NEK7: variants seen among roughly 807,000 people sequenced by gnomAD.
NEK7 encodes NIMA related kinase 7.
NEK7 carries 18 observed loss-of-function variants against 44.6 expected under a neutral mutation model. The ratio of observed to expected loss-of-function variants is 0.40; its 90% CI spans 0.28 to 0.60. The LOEUF is 0.60. Ranked by LOEUF, NEK7 falls within the 20% of genes least tolerant of loss-of-function variation. The pLI, the probability that NEK7 is intolerant of heterozygous loss-of-function variation, is 0.38. For synonymous variants in NEK7, 130 were observed against 121.1 expected (o/e 1.07, Z -0.48); for missense variants, 256 against 366.5 (o/e 0.70, Z 2.46).
chr1:198,271,924 T>TATATATAC (rs1491392729), intron 5 of NEK7, among the ~76,000 whole-genome samples: 29 of 134,562 alleles, frequency 2.2e-4, no homozygotes, highest in African/African-American at 8.2e-4. Flanking sequence ...TATATATATA[T>TATATATAC]ACACACACAC....
intron 7 of NEK7, 145 bp from the exon 8 acceptor site, chr1:198,292,800 T>G (rs1654600553): frequency 1.5e-6 from 1 of 645,274 alleles, no homozygotes; most frequent in East Asian, 2.7e-5. Context: ...ATTAAAAAGT[T>G]TTTAGTATTC....
chr1:198,266,949 T>TAG (rs1313194006), intron 5 of NEK7, among the ~76,000 whole-genome samples: 1 of 152,080 alleles, frequency 6.6e-6, no homozygotes, highest in Non-Finnish European at 1.5e-5. Context: ...ACAGAGTATT[T>TAG]AGAAGTCACT....
intron 1 of NEK7, among the ~76,000 whole-genome samples, chr1:198,226,956 G>T (rs1245472742): frequency 1.3e-5 from 2 of 151,964 alleles, no homozygotes; most frequent in Non-Finnish European, 2.9e-5. Flanking sequence ...CCATGTTGGT[G>T]TGCTGCACCC....
At chr1:198,173,246 T>A (rs950035191) in intron 1 of NEK7, among the ~76,000 whole-genome samples, 2 of 152,008 alleles carry the variant, frequency 1.3e-5, no homozygotes, top group African/African-American at 4.8e-5. Flanking sequence ...ATGAGCAACA[T>A]AGGGAGACCC....
chr1:198,189,482 C>T (rs1200078198), intron 1 of NEK7, among the ~76,000 whole-genome samples: 1 of 152,126 alleles, frequency 6.6e-6, no homozygotes, highest in Admixed American at 6.6e-5. Flanking sequence ...TTAGGTCAGA[C>T]TTTCCATTAT....
intron 1 of NEK7, among the ~76,000 whole-genome samples, chr1:198,204,959 CAT>C (rs1199490653): frequency 2.0e-5 from 3 of 152,044 alleles, no homozygotes; most frequent in African/African-American, 7.2e-5. Flanking sequence ...TAAAATGTAA[CAT>C]ATAATAACAA....
intron 1 of NEK7, among the ~76,000 whole-genome samples, chr1:198,168,267 T>C (rs1664328616): frequency 6.6e-6 from 1 of 152,138 alleles, no homozygotes; most frequent in African/African-American, 2.4e-5. Context: ...GAGAGTGATT[T>C]TGTGGTTAAT....
At chr1:198,314,269 G>A (rs1655281692) in intron 9 of NEK7, among the ~76,000 whole-genome samples, 1 of 152,108 alleles carries the variant, frequency 6.6e-6, no homozygotes, top group African/African-American at 2.4e-5. Flanking sequence ...CTCGAGCCTT[G>A]GTTTTCAGCT....
chr1:198,194,499 G>GTTGTTTCCCTCTATGTGTCCA (rs1665174697), intron 1 of NEK7, among the ~76,000 whole-genome samples: 2 of 116,844 alleles, frequency 1.7e-5, no homozygotes, highest in Admixed American at 1.7e-4. Context: ...CTATGTGTCT[G>GTTGTTTCCCTCTATGTGTCCA]TTGTTTCCCT....
intron 2 of NEK7, among the ~76,000 whole-genome samples, chr1:198,237,211 G>A (rs1666563655): frequency 6.6e-6 from 1 of 152,106 alleles, no homozygotes; most frequent in African/African-American, 2.4e-5. Flanking sequence ...ACAGTGGAGT[G>A]CCCCAAGGCT....
chr1:198,313,445 A>C (rs1655252721), intron 9 of NEK7, among the ~76,000 whole-genome samples: 1 of 140,432 alleles, frequency 7.1e-6, no homozygotes, highest in Non-Finnish European at 1.5e-5. Context: ...TTACATTTAA[A>C]GTTAATATTG....
At chr1:198,208,978 C>T (rs1665681484) in intron 1 of NEK7, among the ~76,000 whole-genome samples, 1 of 151,684 alleles carries the variant, frequency 6.6e-6, no homozygotes, top group Non-Finnish European at 1.5e-5. Context: ...ATACTCTGGA[C>T]CGCTAATATG....
chr1:198,229,491 T>C (rs567987680), intron 1 of NEK7, among the ~76,000 whole-genome samples: 339 of 152,112 alleles, frequency 2.2e-3, no homozygotes, highest in African/African-American at 7.2e-3. Context: ...CTGTGACTGG[T>C]GGAAAGGGGG....
rs879738421 is a variant in NEK7, at chr1:198,169,597, T to G, written c.-29+12321T>G. Reference sequence around the variant, plus strand: ...TATCTAACAACTTACTGGGTTTTTTTTTTTTTTTGGAAAATTTTGTACCCT... The same window carrying G: ...TATCTAACAACTTACTGGGTTTTTTGTTTTTTTTGGAAAATTTTGTACCCT... On this transcript the variant is annotated intron_variant, in intron 1 of 9. Transcript: ENST00000367385. Among the ~76,000 whole-genome samples the G allele has an allele frequency of 6.4e-3, 966 of 152,000 alleles. 3 individuals are homozygous for G. Among genetic ancestry groups the G allele is most frequent in the Non-Finnish European group, 0.01 (692 of 67,958 alleles).
At chr1:198,232,863 A>G (rs1288956578) in intron 2 of NEK7, among the ~76,000 whole-genome samples, 1 of 150,454 alleles carries the variant, frequency 6.6e-6, no homozygotes, top group East Asian at 1.9e-4. Context: ...CTTTTTAGAT[A>G]TAATTATTTA....
intron 2 of NEK7, among the ~76,000 whole-genome samples, chr1:198,252,677 T>C (rs1218931666): frequency 8.0e-6 from 1 of 125,410 alleles, no homozygotes; most frequent in African/African-American, 3.1e-5. Flanking sequence ...TTAAAACATA[T>C]GTATGTTTAT....
intron 1 of NEK7, among the ~76,000 whole-genome samples, chr1:198,183,075 G>C (rs910546810): frequency 6.6e-6 from 1 of 152,152 alleles, no homozygotes; most frequent in East Asian, 1.9e-4. Context: ...GGGCCAGTTT[G>C]GCAGAAATAA....
intron 9 of NEK7, among the ~76,000 whole-genome samples, chr1:198,314,752 A>T (rs1460333760): frequency 6.6e-6 from 1 of 152,208 alleles, no homozygotes; most frequent in Non-Finnish European, 1.5e-5. Context: ...CTCAGGGGTC[A>T]GGGGTCAGAG....
intron 1 of NEK7, among the ~76,000 whole-genome samples, chr1:198,165,114 C>G (rs1161019993): frequency 1.3e-5 from 2 of 152,204 alleles, no homozygotes; most frequent in South Asian, 2.1e-4. Context: ...ACTTTTAATT[C>G]TAGTTCTCTT....
Sources: allele counts gnomAD v4.1 joint callset (sites outside exome capture counted in the v4.1 genomes callset), GRCh38; gene constraint gnomAD v4.1.1; transcripts MANE v1.5; gene names NCBI Gene and HGNC (gene_info 2026-07-23, HGNC 2026-07-21).